ANKMY1: variants seen among roughly 807,000 people sequenced by gnomAD.
ANKMY1 encodes ankyrin repeat and MYND domain-containing protein 1.
ANKMY1 carries 98 observed loss-of-function variants against 102.0 expected under a neutral mutation model. The ratio of observed to expected loss-of-function variants is 0.96; its 90% CI spans 0.82 to 1.14. The LOEUF is 1.14. Ranked by LOEUF, ANKMY1 falls within the 50% of genes most tolerant of loss-of-function variation. The probability of loss-of-function intolerance (pLI) is 0.00; values close to 1 mark genes in which losing one functional copy is unlikely to be tolerated. For missense variants in ANKMY1, 1,330 were observed against 1,347.6 expected (o/e 0.99, Z 0.20); for synonymous variants, 582 against 559.9 (o/e 1.04, Z -0.56).
downstream of ANKMY1, among the ~76,000 whole-genome samples, chr2:240,477,387 T>A (rs964589481): frequency 1.3e-5 from 2 of 152,218 alleles, no homozygotes; most frequent in African/African-American, 4.8e-5. Flanking sequence ...ATTTTAAGAT[T>A]AAGATGATTT....
intron 15 of ANKMY1, among the ~76,000 whole-genome samples, chr2:240,482,573 T>A (rs893381053): frequency 1.3e-5 from 2 of 152,274 alleles, no homozygotes; most frequent in Non-Finnish European, 2.9e-5. Flanking sequence ...CTTCTTAAAC[T>A]TGTTATTTAG....
intron 13 of ANKMY1, among the ~76,000 whole-genome samples, chr2:240,501,483 C>A (rs2078173492): frequency 6.6e-6 from 1 of 152,110 alleles, no homozygotes; most frequent in African/African-American, 2.4e-5. Flanking sequence ...AGGCTCAGGG[C>A]AGCCTGTGTG....
Position 240,511,947 on chromosome 2 carries a change from C to A in ANKMY1, c.2200G>T (p.Ala734Ser). The change falls in exon 11 of 18, where the codon GCC becomes TCC. Residue 734 changes from alanine to serine, a missense_variant. Coordinates refer to ENST00000401804, the MANE Select transcript of ANKMY1 (RefSeq NM_001282771.3). ...KLSNEPGPPQ[A>S]YYSTDTALPE... The stretch of plus-strand genomic sequence containing the variant: ...AGGGCTGTGTCCGTGCTGTAGTAGG[C>A]TTGGGGAGGGCCTGGCTCATTGCTG... 1 of 1,570,106 alleles carries A rather than the reference C, an allele frequency of 6.4e-7. No individual in the cohort carries two copies.
At chr2:240,530,211 G>A (rs146546356) in intron 4 of ANKMY1, among the ~76,000 whole-genome samples, 2 of 152,302 alleles carry the variant, frequency 1.3e-5, no homozygotes, top group East Asian at 1.9e-4. Context: ...CCAGGGGAGG[G>A]AGCACAGTCA....
At chr2:240,494,941 A>G (rs1377339117) in intron 15 of ANKMY1, among the ~76,000 whole-genome samples, 1 of 152,216 alleles carries the variant, frequency 6.6e-6, no homozygotes, top group Non-Finnish European at 1.5e-5. Flanking sequence ...ATATGATTAT[A>G]TATAAATATC....
intron 13 of ANKMY1, 33 bp downstream of exon 13, chr2:240,507,527 T>C (rs1170167627): frequency 9.3e-6 from 13 of 1,401,546 alleles, no homozygotes; most frequent in South Asian, 3.8e-5. Flanking sequence ...TCAAACCCCC[T>C]CACCAGGGCC....
intron 13 of ANKMY1, among the ~76,000 whole-genome samples, chr2:240,504,170 T>C (rs2078676657): frequency 2.0e-5 from 3 of 152,162 alleles, no homozygotes; most frequent in Admixed American, 6.5e-5. Context: ...TGGTGGGAGA[T>C]GGAGGCTTCG....
At chr2:240,560,051 G>C (rs1250711264), upstream of ANKMY1, 2 of 152,396 alleles carry the variant, frequency 1.3e-5, no homozygotes, top group African/African-American at 4.8e-5. Flanking sequence ...AAAAGGAATA[G>C]TGTGGTCTAT....
At position 240,506,377 on chromosome 2, in the gene ANKMY1, C is replaced by T. The variant is rs989899572; in HGVS notation, c.2526+1183G>A. ...CAGCCCCCAGGTCCAGAAATGGTGC[C>T]GACTACCCACACACACTGTTTCATT... is the stretch of plus-strand genomic sequence containing the variant. On this transcript the variant is annotated intron_variant, in intron 13 of 17. Transcript: ENST00000401804. The surrounding 1 kb of genome is among the most constrained non-coding windows in gnomAD (Gnocchi z 4.9). Among the ~76,000 whole-genome samples, 2 of 152,146 alleles carry T rather than the reference C, an allele frequency of 1.3e-5. No homozygotes were observed. The highest frequency in any genetic ancestry group is 2.4e-5 in the African/African-American group (1 of 41,420).
intron 4 of ANKMY1, among the ~76,000 whole-genome samples, chr2:240,537,244 C>T (rs867355715): frequency 1.3e-5 from 2 of 150,606 alleles, no homozygotes; most frequent in Non-Finnish European, 1.5e-5. Context: ...CCTTTCTTTA[C>T]CTATAGTTTC....
At chr2:240,531,318 T>C (rs7607996) in intron 4 of ANKMY1, among the ~76,000 whole-genome samples, 76,010 of 152,098 alleles carry the variant, frequency 0.5, 19,570 homozygotes, top group Middle Eastern at 0.76. Flanking sequence ...TCGCTTTGAA[T>C]GACAGTTTGG....
At chr2:240,538,557 G>A (rs1473827924) in intron 4 of ANKMY1, among the ~76,000 whole-genome samples, 6 of 152,082 alleles carry the variant, frequency 3.9e-5, no homozygotes, top group Non-Finnish European at 7.4e-5. Flanking sequence ...ATGCCCGAGC[G>A]CCCCCACCTC....
chr2:240,532,518 C>A (rs1036577575), intron 4 of ANKMY1, among the ~76,000 whole-genome samples: 6 of 152,062 alleles, frequency 3.9e-5, no homozygotes, highest in Non-Finnish European at 8.8e-5. Flanking sequence ...ACCAGAAACA[C>A]AAGAAGGAGT....
intron 15 of ANKMY1, among the ~76,000 whole-genome samples, chr2:240,486,185 C>A (rs2076040953): frequency 6.6e-6 from 1 of 152,110 alleles, no homozygotes; most frequent in South Asian, 2.1e-4. Context: ...ATTTGAGTTA[C>A]CACTTGGAGT....
At chr2:240,547,300 T>C (rs1250765677) in intron 4 of ANKMY1, among the ~76,000 whole-genome samples, 1 of 152,098 alleles carries the variant, frequency 6.6e-6, no homozygotes, top group Non-Finnish European at 1.5e-5. Flanking sequence ...AATAAAGATA[T>C]TCTTTGAAAC....
chr2:240,518,723 A>T (rs1553577093), intron 9 of ANKMY1, among the ~76,000 whole-genome samples: 1 of 152,270 alleles, frequency 6.6e-6, no homozygotes, highest in Non-Finnish European at 1.5e-5. Flanking sequence ...CATGTGACAC[A>T]GTGAAGGATG....
At chr2:240,489,048 T>G (rs1312584359) in intron 15 of ANKMY1, among the ~76,000 whole-genome samples, 4 of 152,210 alleles carry the variant, frequency 2.6e-5, no homozygotes, top group Non-Finnish European at 5.9e-5. Context: ...CTTATTACAG[T>G]TCTTAGAGGA....
In ANKMY1 at chr2:240,526,464, T is replaced by C. The variant is rs767430698; in HGVS notation, c.954-19A>G. On this transcript the variant is annotated intron_variant, in intron 5 of 17. Transcript: ENST00000401804. ...CTTGTTCCTGGCAACACAACAAGTTTCAGTGGTCCTAGACCAGGTTCTGCA... is the reference window on the plus strand; with the variant it reads ...CTTGTTCCTGGCAACACAACAAGTTCCAGTGGTCCTAGACCAGGTTCTGCA... 1.2e-6 allele frequency: 2 copies of C among 1,613,842 alleles called. No homozygotes were observed. Among genetic ancestry groups the C allele is most frequent in the Middle Eastern group, 1.7e-4 (1 of 6,060 alleles).
rs144228040 is a variant in ANKMY1 at position 240,530,193 on chromosome 2, C to T, written c.481-684G>A. On this transcript the variant is annotated intron_variant, in intron 4 of 17. Coordinates refer to ENST00000401804, the MANE Select transcript of ANKMY1 (RefSeq NM_001282771.3). ...CAAAACAACCAGTGAGCGGCCACTGCCAGGTGCCCAGGGGAGGGAGCACAG... is the reference window on the plus strand; with the variant it reads ...CAAAACAACCAGTGAGCGGCCACTGTCAGGTGCCCAGGGGAGGGAGCACAG... Among the ~76,000 whole-genome samples, 335 of 152,330 alleles carry T rather than the reference C, an allele frequency of 2.2e-3. 2 individuals are homozygous for T. The highest frequency in any genetic ancestry group is 7.5e-3 in the African/African-American group (312 of 41,572).
Sources: allele counts gnomAD v4.1 joint callset (sites outside exome capture counted in the v4.1 genomes callset), GRCh38; gene constraint gnomAD v4.1.1; non-coding constraint Gnocchi (gnomAD v3.1); transcripts MANE v1.5; gene names NCBI Gene and HGNC (gene_info 2026-07-23, HGNC 2026-07-21).